The following HK3 variants were observed in gnomAD, a reference collection of about 807,000 sequenced individuals.
HK3 encodes hexokinase 3.
A neutral mutation model predicts 91.0 loss-of-function variants in HK3; 93 were observed. The ratio of observed to expected loss-of-function variants is 1.02; its 90% CI spans 0.86 to 1.21. The LOEUF (loss-of-function observed/expected upper bound fraction) is 1.21, where lower values mean the gene tolerates loss of function less well. Among genes scored for constraint, HK3 ranks in the 50% most tolerant of loss-of-function variants. The probability of loss-of-function intolerance (pLI) is 0.00; values close to 1 mark genes in which losing one functional copy is unlikely to be tolerated. For missense variants in HK3, 1,235 were observed against 1,247.4 expected (o/e 0.99, Z 0.15); for synonymous variants, 519 against 516.9 (o/e 1.00, Z -0.06).
intron 1 of HK3, 105 bp from the exon 2 acceptor site, chr5:176,896,290 G>C: frequency 1.9e-6 from 1 of 530,578 alleles, no homozygotes; most frequent in Non-Finnish European, 3.3e-6. Context: ...CAGGAAGGAA[G>C]CTGGGAGCAG....
chr5:176,882,157 A>G (rs558679873), intron 15 of HK3, 30 bp from the exon 16 acceptor site: 2 of 1,609,972 alleles, frequency 1.2e-6, no homozygotes, highest in African/African-American at 2.7e-5. Flanking sequence ...CGTGGAAGCT[A>G]CTTACTGATG....
rs1758697093 is a variant in HK3, at chr5:176,889,368, C to T, written c.914+13G>A. 1.2e-6 allele frequency: 2 copies of T among 1,611,466 alleles called. No homozygotes were observed. Among genetic ancestry groups the T allele is most frequent in the Non-Finnish European group, 1.7e-6 (2 of 1,178,268 alleles). Reference sequence around the variant, plus strand: ...GGCCTGGAACCAAAGGTCAGGGCCCCCTGCCAGGTCACCTCTGAGCACCAG... The same window carrying T: ...GGCCTGGAACCAAAGGTCAGGGCCCTCTGCCAGGTCACCTCTGAGCACCAG... On this transcript the variant is annotated intron_variant, in intron 8 of 18. Transcript: ENST00000292432.
At chr5:176,891,218 C>G in intron 3 of HK3, 27 bp from the exon 4 acceptor site, 1 of 1,614,038 alleles carries the variant, frequency 6.2e-7, no homozygotes, top group Non-Finnish European at 8.5e-7. Context: ...TCACAGAAAG[C>G]CATGCAGCTG....
rs181750746 is a variant in HK3 at position 176,884,476 on chromosome 5, G to A, written c.1858-342C>T. Among the ~76,000 whole-genome samples, 5 of 152,352 alleles carry A rather than the reference G, an allele frequency of 3.3e-5. No homozygotes were observed. Among genetic ancestry groups the A allele is most frequent in the Admixed American group, 2.6e-4 (4 of 15,306 alleles). On this transcript the variant is annotated intron_variant, in intron 13 of 18. Coordinates refer to ENST00000292432, the MANE Select transcript of HK3 (RefSeq NM_002115.3). The surrounding 1 kb of genome is among the most constrained non-coding windows in gnomAD (Gnocchi z 4.1). ...ACAGAGCTGGTAAAGTGAGTGCTGT[G>A]TGTGAGACAGGGGAGGACAGAGAAG...
intron 13 of HK3, among the ~76,000 whole-genome samples, chr5:176,885,456 C>G (rs2149374152): frequency 6.6e-6 from 1 of 152,272 alleles, no homozygotes; most frequent in East Asian, 1.9e-4. Context: ...GAGTCTTGCT[C>G]TGTTGCCCAG....
chr5:176,892,178 G>A (rs1413101390), intron 2 of HK3, among the ~76,000 whole-genome samples: 1 of 152,198 alleles, frequency 6.6e-6, no homozygotes, highest in Non-Finnish European at 1.5e-5. Context: ...CAGGGTGGGA[G>A]ACAGAAATTA....
At chr5:176,899,116 T>G (rs1196091302) in intron 1 of HK3, among the ~76,000 whole-genome samples, 151 bp downstream of exon 1, 2 of 151,958 alleles carry the variant, frequency 1.3e-5, no homozygotes, top group Admixed American at 1.3e-4. Context: ...GTCTGGGTGA[T>G]AGAGAGAGAG....
chr5:176,884,944 G>A lies in HK3; in HGVS notation c.1858-810C>T, dbSNP rs532434297. On this transcript the variant is annotated intron_variant, in intron 13 of 18. Coordinates refer to ENST00000292432, the MANE Select transcript of HK3 (RefSeq NM_002115.3). This position sits in a 1 kb window ranked among gnomAD's most constrained non-coding sequence, Gnocchi z 4.1. ...CTCCAATAATATGTCCTTTTATCCC[G>A]TTTTTTATTGTCCTAGGCTCATTGT... 2.0e-5 allele frequency among the ~76,000 whole-genome samples: 3 copies of A among 152,156 alleles called. No individual in the cohort carries two copies. The highest frequency in any genetic ancestry group is 4.4e-5 in the Non-Finnish European group (3 of 68,024).
intron 17 of HK3, 33 bp downstream of exon 17, chr5:176,881,659 T>C: frequency 6.2e-7 from 1 of 1,611,358 alleles, no homozygotes; most frequent in South Asian, 1.1e-5. Context: ...AAAGACCCCC[T>C]GAAGTGGGGG....
intron 8 of HK3, 104 bp downstream of exon 8, chr5:176,889,277 C>G: frequency 7.7e-7 from 1 of 1,299,604 alleles, no homozygotes; most frequent in Non-Finnish European, 1.1e-6. Context: ...CTCAGAGTGA[C>G]AGGGAGGGGC....
chr5:176,895,584 A>G (rs1758890531), intron 2 of HK3, among the ~76,000 whole-genome samples: 1 of 152,240 alleles, frequency 6.6e-6, no homozygotes, highest in Admixed American at 6.5e-5. Flanking sequence ...AGCAAGCCTC[A>G]GGCATGAGTT....
intron 8 of HK3, among the ~76,000 whole-genome samples, 192 bp from the exon 9 acceptor site, chr5:176,889,056 T>A (rs966507280): frequency 2.6e-5 from 4 of 152,154 alleles, no homozygotes; most frequent in African/African-American, 9.7e-5. Context: ...TGACATAGGT[T>A]ACATTCAGAA....
At chr5:176,888,200 T>C in intron 10 of HK3, 132 bp downstream of exon 10, 1 of 740,778 alleles carries the variant, frequency 1.3e-6, no homozygotes, top group Non-Finnish European at 2.3e-6. Flanking sequence ...CATAGCTCAG[T>C]CTGGCCCTCC....
chr5:176,888,669 G>A (rs1554101732), intron 9 of HK3, 40 bp downstream of exon 9: 3 of 1,613,562 alleles, frequency 1.9e-6, no homozygotes, highest in East Asian at 2.2e-5. Flanking sequence ...CTTCCTCCAA[G>A]CCAAGAATCC....
chr5:176,891,761 A>G (rs1758781783), intron 2 of HK3, among the ~76,000 whole-genome samples: 1 of 151,928 alleles, frequency 6.6e-6, no homozygotes, highest in Non-Finnish European at 1.5e-5. Flanking sequence ...CTCCTGCCCC[A>G]TTACCTCACG....
intron 8 of HK3, 80 bp from the exon 9 acceptor site, chr5:176,888,944 G>GAA: frequency 6.7e-7 from 1 of 1,500,714 alleles, no homozygotes; most frequent in Non-Finnish European, 9.0e-7. Context: ...AGTTCCCAAA[G>GAA]AAGGATTCTT....
rs754348570 is a variant in HK3 at position 176,888,869 on chromosome 5, AG to A, written c.915-6del. 46 of 1,609,754 alleles carry A rather than the reference AG, an allele frequency of 2.9e-5. No individual in the cohort carries two copies. The highest frequency in any genetic ancestry group is 6.7e-5 in the African/African-American group (5 of 74,756). Reference sequence around the variant, plus strand: ...CCTCCGATCATCTTCTCAAACCTGCAGGGGGGAAGGGTGGCTGGAGGAAGCC... The same window carrying A: ...CCTCCGATCATCTTCTCAAACCTGCAGGGGGAAGGGTGGCTGGAGGAAGCC... On this transcript the variant is annotated splice_region_variant and splice_polypyrimidine_tract_variant and intron_variant, in intron 8 of 18. Coordinates refer to ENST00000292432, the MANE Select transcript of HK3 (RefSeq NM_002115.3).
In HK3 at chr5:176,882,104, T is replaced by G. The variant is rs188423746; in HGVS notation, c.2077A>C (p.Met693Leu). Residue 693 changes from methionine to leucine, a missense_variant, in exon 16 of 19, where the codon ATG becomes CTG. Met to Leu is a conservative substitution (Grantham distance 15, BLOSUM62 2). This residue lies in a region of HK3 where 513 missense variants were observed against 477.4 expected (regional missense o/e 1.07). Transcript: ENST00000292432. ...CCCGCCACATTCCGGAGCTCCTCCATGTAGCAGGCATTGGTGCCGGTTCCT... is the reference window on the plus strand; with the variant it reads ...CCCGCCACATTCCGGAGCTCCTCCAGGTAGCAGGCATTGGTGCCGGTTCCT... ...IVGTGTNACYMEELRNVAGVP... is the reference protein window; with the variant it reads ...IVGTGTNACYLEELRNVAGVP... The G allele has an allele frequency of 1.1e-4, 183 of 1,613,116 alleles. 1 individual carries two copies. Among genetic ancestry groups the G allele is most frequent in the Admixed American group, 3.8e-4 (23 of 60,032 alleles).
At chr5:176,898,175 A>T (rs1758951864) in intron 1 of HK3, among the ~76,000 whole-genome samples, 1 of 152,174 alleles carries the variant, frequency 6.6e-6, no homozygotes, top group South Asian at 2.1e-4. Context: ...TCCTAAACTG[A>T]TAGCTCTGCT....
Sources: gnomAD v4.1 joint callset for allele counts (sites outside exome capture counted in the v4.1 genomes callset) on GRCh38, gnomAD v4.1.1 for gene constraint, gnomAD v4.1.1 regional missense constraint, Gnocchi (gnomAD v3.1) non-coding constraint, MANE v1.5 for transcripts, NCBI Gene and HGNC (gene_info 2026-07-23, HGNC 2026-07-21) for gene names.